MAGI2: variants seen among roughly 807,000 people sequenced by gnomAD.
The protein encoded by MAGI2 is membrane associated guanylate kinase, WW and PDZ domain containing 2, also known as membrane-associated guanylate kinase, WW and PDZ domain-containing protein 2.
A neutral mutation model predicts 133.3 loss-of-function variants in MAGI2; 35 were observed. The observed-to-expected ratio is 0.26, with a 90% CI of 0.20 to 0.35. The LOEUF (loss-of-function observed/expected upper bound fraction) is 0.35, where lower values mean the gene tolerates loss of function less well. Among genes scored for constraint, MAGI2 ranks in the 10% least tolerant of loss-of-function variants. The pLI, the probability that MAGI2 is intolerant of heterozygous loss-of-function variation, is 1.00. For missense variants in MAGI2, 1,636 were observed against 1,863.4 expected (o/e 0.88, Z 2.25); for synonymous variants, 729 against 710.6 (o/e 1.03, Z -0.41).
At chr7:78,056,803 A>G (rs1332832185) in intron 21 of MAGI2, among the ~76,000 whole-genome samples, 1 of 152,148 alleles carries the variant, frequency 6.6e-6, no homozygotes, top group South Asian at 2.1e-4. Flanking sequence ...CATCCTGCAC[A>G]TGGACCCTGA....
At chr7:78,302,849 T>C (rs901670858) in intron 9 of MAGI2, among the ~76,000 whole-genome samples, 4 of 152,220 alleles carry the variant, frequency 2.6e-5, no homozygotes, top group African/African-American at 7.2e-5. Context: ...ACAGTTGTTC[T>C]GCCTTAAATT....
Position 78,692,713 on chromosome 7 carries a change from A to G in MAGI2, c.419-65474T>C, listed in dbSNP as rs191926810. On this transcript the variant is annotated intron_variant, in intron 2 of 21. Transcript: ENST00000354212. ...CTCTTCAGTTTATCCTTTGTGATCA[A>G]ATAAATCCGGAACAAAAAACGCATG... is the stretch of plus-strand genomic sequence containing the variant. 2.6e-5 allele frequency among the ~76,000 whole-genome samples: 4 copies of G among 152,332 alleles called. No homozygotes were observed. The East Asian group carries it at 7.7e-4, about 29-fold the overall frequency.
chr7:79,252,662 T>G (rs1180556029), intron 1 of MAGI2, among the ~76,000 whole-genome samples: 1 of 152,208 alleles, frequency 6.6e-6, no homozygotes, highest in Non-Finnish European at 1.5e-5. Flanking sequence ...GATACCCCAT[T>G]TACCTTCATG....
intron 2 of MAGI2, among the ~76,000 whole-genome samples, chr7:78,928,655 T>C (rs1799889937): frequency 6.6e-6 from 1 of 152,086 alleles, no homozygotes; most frequent in Non-Finnish European, 1.5e-5. Flanking sequence ...ACTTGCTGAA[T>C]GATTAAACCT....
intron 6 of MAGI2, among the ~76,000 whole-genome samples, chr7:78,404,306 T>C (rs778703001): frequency 1.3e-5 from 2 of 152,068 alleles, no homozygotes; most frequent in Non-Finnish European, 2.9e-5. Context: ...CTCACAGAAT[T>C]GGAAAAAACT....
intron 2 of MAGI2, among the ~76,000 whole-genome samples, chr7:78,684,091 C>T (rs946393800): frequency 5.9e-5 from 9 of 152,006 alleles, no homozygotes; most frequent in African/African-American, 2.2e-4. Context: ...ACTGGCTAAG[C>T]CCAATATAGT....
chr7:79,167,627 C>T (rs193049368), intron 1 of MAGI2, among the ~76,000 whole-genome samples: 10 of 152,020 alleles, frequency 6.6e-5, no homozygotes, highest in African/African-American at 2.2e-4. Context: ...AAGGAAACAA[C>T]CTCCTCCTGC....
At chr7:79,177,665 A>T (rs767727200) in intron 1 of MAGI2, among the ~76,000 whole-genome samples, 1 of 152,082 alleles carries the variant, frequency 6.6e-6, no homozygotes, top group Non-Finnish European at 1.5e-5. Context: ...TAATAATAGC[A>T]GCAAACTGCT....
chr7:78,039,085 G>A (rs759823755), intron 21 of MAGI2, among the ~76,000 whole-genome samples: 4 of 152,066 alleles, frequency 2.6e-5, no homozygotes, highest in Non-Finnish European at 5.9e-5. Flanking sequence ...GAACATCTTA[G>A]AGCCTGTTTA....
At chr7:78,149,084 A>G (rs919931873) in intron 16 of MAGI2, among the ~76,000 whole-genome samples, 2 of 152,204 alleles carry the variant, frequency 1.3e-5, no homozygotes, top group Non-Finnish European at 2.9e-5. Flanking sequence ...TACAAGCATC[A>G]TGTGGCCATT....
rs183408931 is a variant in MAGI2, at chr7:78,123,477, A to T, written c.3567+2217T>A. 5.3e-5 allele frequency among the ~76,000 whole-genome samples: 8 copies of T among 152,334 alleles called. No individual in the cohort carries two copies. The East Asian group carries it at 1.5e-3, about 29-fold the overall frequency. ...AGAACAATTATAACAAAATGCCAGC[A>T]TCACTACTCTTGCACTTTGGGGCCA... On this transcript the variant is annotated intron_variant, in intron 20 of 21. Coordinates refer to ENST00000354212, the MANE Select transcript of MAGI2 (RefSeq NM_012301.4).
chr7:78,980,983 T>C (rs1430361585), intron 2 of MAGI2, among the ~76,000 whole-genome samples: 1 of 151,720 alleles, frequency 6.6e-6, no homozygotes, highest in East Asian at 1.9e-4. Flanking sequence ...AATCTTCTTG[T>C]CTTTGTTGTT....
intron 6 of MAGI2, among the ~76,000 whole-genome samples, chr7:78,440,654 T>G (rs1024695922): frequency 2.0e-5 from 3 of 152,128 alleles, no homozygotes; most frequent in Admixed American, 1.3e-4. Context: ...CAGTCAAGTT[T>G]AAAGTACCTG....
At chr7:78,137,823 C>A (rs748588421) in intron 16 of MAGI2, among the ~76,000 whole-genome samples, 23 of 152,136 alleles carry the variant, frequency 1.5e-4, no homozygotes, top group Non-Finnish European at 2.6e-4. Flanking sequence ...ACATTGAGCC[C>A]TACACACATA....
chr7:78,420,658 A>T (rs907908531), intron 6 of MAGI2, among the ~76,000 whole-genome samples: 2 of 152,036 alleles, frequency 1.3e-5, no homozygotes, highest in African/African-American at 4.8e-5. Flanking sequence ...ACATAAGGAT[A>T]GACAGAGGGA....
At chr7:78,694,687 AT>A (rs1817319403) in intron 2 of MAGI2, among the ~76,000 whole-genome samples, 1 of 152,176 alleles carries the variant, frequency 6.6e-6, no homozygotes, top group Admixed American at 6.5e-5. Flanking sequence ...CCACACCTGG[AT>A]TTAAATCCCA....
At chr7:79,039,334 A>G (rs1246666554) in intron 1 of MAGI2, among the ~76,000 whole-genome samples, 1 of 152,176 alleles carries the variant, frequency 6.6e-6, no homozygotes, top group Non-Finnish European at 1.5e-5. Flanking sequence ...TTTTATTAAA[A>G]TAAATAAATA....
At chr7:79,174,350 G>T (rs372585823) in intron 1 of MAGI2, among the ~76,000 whole-genome samples, 1 of 151,774 alleles carries the variant, frequency 6.6e-6, no homozygotes, top group Non-Finnish European at 1.5e-5. Flanking sequence ...ATATAAGATC[G>T]CTAGGAAAAT....
At chr7:79,416,822 C>T (rs138460884) in intron 1 of MAGI2, among the ~76,000 whole-genome samples, 2,500 of 149,518 alleles carry the variant, frequency 0.017, 74 homozygotes, top group African/African-American at 0.057. Context: ...GCAACCTCCA[C>T]CTCCTATGTT....
Sources: allele counts gnomAD v4.1 joint callset (sites outside exome capture counted in the v4.1 genomes callset), GRCh38; gene constraint gnomAD v4.1.1; transcripts MANE v1.5; gene names NCBI Gene and HGNC (gene_info 2026-07-23, HGNC 2026-07-21).